ATP6V0E2: variants seen among roughly 807,000 people sequenced by gnomAD.
ATP6V0E2 encodes the protein ATPase H+ transporting V0 subunit e2, also known as V-type proton ATPase subunit e 2.
Under a neutral mutation model 11.5 loss-of-function variants are expected in ATP6V0E2, and 4 were observed. The observed-to-expected ratio is 0.35, with a 90% confidence interval of 0.17 to 0.80. The LOEUF (loss-of-function observed/expected upper bound fraction) is 0.80, where lower values mean the gene tolerates loss of function less well. Ranked by LOEUF, ATP6V0E2 falls within the 30% of genes least tolerant of loss-of-function variation. ATP6V0E2 has a pLI of 0.53. For synonymous variants in ATP6V0E2, 52 were observed against 51.0 expected (o/e 1.02, Z -0.09); for missense variants, 93 against 113.5 (o/e 0.82, Z 0.82).
chr7:149,873,970 T>C lies in ATP6V0E2; in HGVS notation c.-96T>C, dbSNP rs1229561282. 8.4e-6 allele frequency: 13 copies of C among 1,546,228 alleles called. No individual in the cohort carries two copies. The highest frequency in any genetic ancestry group is 2.7e-5 in the African/African-American group (2 of 73,040). On this transcript the variant is annotated 5_prime_UTR_variant, in exon 1 of 4. Coordinates refer to ENST00000425642, the MANE Select transcript of ATP6V0E2 (RefSeq NM_145230.4). The stretch of plus-strand genomic sequence containing the variant: ...GATCGCTTCGGGTGCTCGACTCCTG[T>C]TGCGCATGCTCAGCGCGCTGCCCGG...
intron 2 of ATP6V0E2, among the ~76,000 whole-genome samples, chr7:149,878,016 T>C (rs893757020): frequency 2.0e-5 from 3 of 152,214 alleles, no homozygotes; most frequent in Non-Finnish European, 4.4e-5. Flanking sequence ...AGTGTGGATG[T>C]GGTCGTGGGG....
chr7:149,876,964 A>C (rs7806974), intron 2 of ATP6V0E2, among the ~76,000 whole-genome samples: 94,705 of 152,102 alleles, frequency 0.62, 30,106 homozygotes, highest in African/African-American at 0.73. Flanking sequence ...TCATTGATTT[A>C]AGATTTGATG....
chr7:149,878,358 G>GT (rs1292876804), intron 2 of ATP6V0E2, among the ~76,000 whole-genome samples: 2 of 152,178 alleles, frequency 1.3e-5, no homozygotes, highest in Non-Finnish European at 2.9e-5. Context: ...ACAGAGGTGT[G>GT]TGAGGGCACA....
intron 2 of ATP6V0E2, among the ~76,000 whole-genome samples, chr7:149,877,860 A>G (rs1025806403): frequency 6.6e-5 from 10 of 152,268 alleles, no homozygotes; most frequent in African/African-American, 2.4e-4. Flanking sequence ...CCTAGAAATT[A>G]TATTTACAAA....
intron 2 of ATP6V0E2, chr7:149,876,016 A>G (rs989212161): frequency 6.2e-6 from 3 of 485,666 alleles, no homozygotes; most frequent in African/African-American, 5.8e-5. Context: ...AACTCTCGAG[A>G]TCTGCACTTG....
intron 2 of ATP6V0E2, among the ~76,000 whole-genome samples, chr7:149,877,283 G>A: frequency 6.6e-6 from 1 of 152,106 alleles, no homozygotes. Context: ...TCAACCTTCT[G>A]GGCTCAAGCC....
chr7:149,879,557 C>T lies in ATP6V0E2; in HGVS notation c.*242C>T. 1.3e-6 allele frequency: 2 copies of T among 1,548,442 alleles called. No individual in the cohort carries two copies. The highest frequency in any genetic ancestry group is 1.7e-6 in the Non-Finnish European group (2 of 1,147,594). ...GCAGCGGCCGAGGGGATGTCCTGCT[C>T]CAATACCCGCACTGCTCTGGAGTTT... On this transcript the variant is annotated 3_prime_UTR_variant, in exon 4 of 4. Transcript: ENST00000425642.
intron 1 of ATP6V0E2, 36 bp downstream of exon 1, chr7:149,874,205 C>A: frequency 6.6e-7 from 1 of 1,523,436 alleles, no homozygotes; most frequent in Non-Finnish European, 8.8e-7. Flanking sequence ...GACCTCTCCA[C>A]CCCGGCCCCC....
At chr7:149,874,205 C>T (rs1224456085) in intron 1 of ATP6V0E2, 36 bp downstream of exon 1, 3 of 1,523,318 alleles carry the variant, frequency 2.0e-6, no homozygotes, top group Non-Finnish European at 1.8e-6. Context: ...GACCTCTCCA[C>T]CCCGGCCCCC....
upstream of ATP6V0E2, chr7:149,873,831 TTC>T (rs947502692): frequency 9.1e-6 from 13 of 1,435,542 alleles, no homozygotes; most frequent in Admixed American, 2.7e-5. Flanking sequence ...TCCTCGGCAT[TTC>T]TCTCTGTCCG....
intron 2 of ATP6V0E2, chr7:149,875,986 C>T: frequency 1.8e-6 from 1 of 542,810 alleles, no homozygotes; most frequent in Non-Finnish European, 3.5e-6. Context: ...TCAGGCTGCA[C>T]CCTACACCCA....
At chr7:149,874,248 G>A in intron 1 of ATP6V0E2, 79 bp downstream of exon 1, 1 of 1,461,686 alleles carries the variant, frequency 6.8e-7, no homozygotes, top group East Asian at 2.5e-5. Flanking sequence ...CCGGGGCGGC[G>A]GCTTCCTGCT....
Position 149,874,033 on chromosome 7 carries a change from C to T in ATP6V0E2, c.-33C>T, listed in dbSNP as rs1802979752. 4 of 1,549,298 alleles carry T rather than the reference C, an allele frequency of 2.6e-6. No individual in the cohort carries two copies. The highest frequency in any genetic ancestry group is 3.5e-6 in the Non-Finnish European group (4 of 1,146,588). ...GCACCTGCAGCGCCCGCTGCTCGGC[C>T]CTGCATCCTGCCTGGGCATCCTGCG... On this transcript the variant is annotated 5_prime_UTR_variant, in exon 1 of 4. Coordinates refer to ENST00000425642, the MANE Select transcript of ATP6V0E2 (RefSeq NM_145230.4).
chr7:149,873,879 G>T, upstream of ATP6V0E2: 1 of 1,482,010 alleles, frequency 6.7e-7, no homozygotes, highest in Non-Finnish European at 8.9e-7. Flanking sequence ...TGGGCTCCTA[G>T]GCAGGTCCTG....
At chr7:149,874,378 G>T (rs939705721) in intron 1 of ATP6V0E2, among the ~76,000 whole-genome samples, 1 of 152,192 alleles carries the variant, frequency 6.6e-6, no homozygotes, top group African/African-American at 2.4e-5. Context: ...GGCATATCCA[G>T]AAGGTAAAGA....
chr7:149,873,822 C>T (rs1248323010), upstream of ATP6V0E2: 16 of 1,428,490 alleles, frequency 1.1e-5, no homozygotes, highest in African/African-American at 2.9e-5. Flanking sequence ...CGCCCCTATT[C>T]CTCGGCATTT....
chr7:149,874,141 TG>T lies in ATP6V0E2; in HGVS notation c.78del (p.Trp26CysfsTer11). The T allele has an allele frequency of 2.6e-6, 4 of 1,549,738 alleles. No individual in the cohort carries two copies. The highest frequency in any genetic ancestry group is 3.5e-6 in the Non-Finnish European group (4 of 1,146,508). ...FWGLVGIAGP[W>X]FVPKGPNRGV... is the part of the protein sequence containing the mutation. ...GGGCCTCGTCGGCATCGCCGGGCCC[TG>T]GTTCGTGCCGAAGGGACCCAACCGC... On this transcript the variant is annotated frameshift_variant, in exon 1 of 4. Transcript: ENST00000425642. LOFTEE classifies it high-confidence loss of function.
At chr7:149,875,349 T>C (rs1803069042) in intron 1 of ATP6V0E2, among the ~76,000 whole-genome samples, 1 of 152,136 alleles carries the variant, frequency 6.6e-6, no homozygotes, top group Non-Finnish European at 1.5e-5. Flanking sequence ...AGAAGGGAAA[T>C]GAAGGGAAGG....
At position 149,879,430 on chromosome 7, in the gene ATP6V0E2, T is replaced by C; in HGVS notation, c.*115T>C. On this transcript the variant is annotated 3_prime_UTR_variant, in exon 4 of 4. Transcript: ENST00000425642. ...CAACTATGTCTGGTCACCAGCTCCC[T>C]CCTGCTGGCACCCAGAGACCCGGAC... 3.1e-6 allele frequency: 5 copies of C among 1,605,446 alleles called. No homozygotes were observed. Among genetic ancestry groups the C allele is most frequent in the Non-Finnish European group, 4.3e-6 (5 of 1,176,398 alleles).
Sources: allele counts gnomAD v4.1 joint callset (sites outside exome capture counted in the v4.1 genomes callset), GRCh38; gene constraint gnomAD v4.1.1; transcripts MANE v1.5; gene names NCBI Gene and HGNC (gene_info 2026-07-23, HGNC 2026-07-21).